The following PCDH15 variants were observed in gnomAD, a reference collection of about 807,000 sequenced individuals.
PCDH15 encodes protocadherin related 15.
In PCDH15, 129 loss-of-function variants were observed where a neutral mutation model predicts 178.5. That is an observed-to-expected ratio of 0.72 (90% confidence interval 0.63 to 0.84). The LOEUF (loss-of-function observed/expected upper bound fraction) is 0.84, where lower values mean the gene tolerates loss of function less well. PCDH15 is among the 40% of genes least tolerant of loss of function. The pLI is 0.00. For synonymous variants in PCDH15, 800 were observed against 732.0 expected, an observed-to-expected ratio of 1.09 and a Z score of -1.50; for missense variants, 2,230 against 2,099.9, an observed-to-expected ratio of 1.06 and a Z score of -1.21.
At chr10:54,530,228 A>G (rs2083771993) in intron 2 of PCDH15, among the ~76,000 whole-genome samples, 1 of 152,066 alleles carries the variant, frequency 6.6e-6, no homozygotes, top group African/African-American at 2.4e-5. Context: ...ATACCAAACC[A>G]AATTTATGTT....
At chr10:54,484,317 T>A (rs1219720230) in intron 3 of PCDH15, among the ~76,000 whole-genome samples, 2 of 151,908 alleles carry the variant, frequency 1.3e-5, no homozygotes, top group African/African-American at 4.8e-5. Flanking sequence ...GACATGGCTT[T>A]TTTTCCCCTT....
At chr10:54,996,838 C>T (rs7897670) in intron 2 of PCDH15, among the ~76,000 whole-genome samples, 108,777 of 151,876 alleles carry the variant, frequency 0.72, 39,174 homozygotes, top group East Asian at 0.87. Context: ...TGGCTGGGCG[C>T]GGTGGCTCAC....
chr10:54,685,597 G>A (rs865831564), intron 1 of PCDH15, among the ~76,000 whole-genome samples: 1 of 152,140 alleles, frequency 6.6e-6, no homozygotes, highest in African/African-American at 2.4e-5. Context: ...TGCAGAGCAT[G>A]ACCATACAAA....
Position 54,945,264 on chromosome 10 carries a change from G to C in PCDH15, c.-79-47764C>G, listed in dbSNP as rs557426675. 1.9e-4 allele frequency among the ~76,000 whole-genome samples: 29 copies of C among 151,788 alleles called. No individual in the cohort carries two copies. The South Asian group carries it at 5.2e-3, about 27-fold the overall frequency. On this transcript the variant is annotated intron_variant, in intron 2 of 5. Transcript: ENST00000458638. The stretch of plus-strand genomic sequence containing the variant: ...AGAACATATAATTATGCCAATGAAA[G>C]GGGCTGTCTTATCATTGTTCTTAGA...
intron 5 of PCDH15, among the ~76,000 whole-genome samples, chr10:54,360,149 A>G (rs1168736304): frequency 1.3e-5 from 2 of 152,182 alleles, no homozygotes; most frequent in South Asian, 2.1e-4. Context: ...CCTCCCAGGT[A>G]GTATCAAGGA....
At chr10:55,268,675 T>A (rs1842362955) in intron 1 of PCDH15, among the ~76,000 whole-genome samples, 1 of 152,044 alleles carries the variant, frequency 6.6e-6, no homozygotes, top group Admixed American at 6.6e-5. Flanking sequence ...CTATAAGAAG[T>A]TTTGATGTGT....
chr10:55,547,913 G>GAGAGAGAGAGAGAGAA, intron 2 of PCDH15, among the ~76,000 whole-genome samples: 1 of 114,556 alleles, frequency 8.7e-6, no homozygotes, highest in East Asian at 4.9e-4. Flanking sequence ...GTGTGTGTGA[G>GAGAGAGAGAGAGAGAA]AGAGAGAGAG....
At chr10:54,621,621 G>T (rs113737094) in intron 2 of PCDH15, among the ~76,000 whole-genome samples, 1,813 of 151,976 alleles carry the variant, frequency 0.012, 33 homozygotes, top group African/African-American at 0.041. Flanking sequence ...AATCTAAAAG[G>T]AACATTATGT....
At chr10:54,020,144 ATG>A (rs1285697631) in intron 20 of PCDH15, 46 bp downstream of exon 20, 1 of 1,517,274 alleles carries the variant, frequency 6.6e-7, no homozygotes, top group South Asian at 1.1e-5. Flanking sequence ...CAAAACCTAC[ATG>A]TAGAGAGAGC....
At chr10:54,357,460 T>C (rs2134388873) in intron 5 of PCDH15, among the ~76,000 whole-genome samples, 1 of 152,178 alleles carries the variant, frequency 6.6e-6, no homozygotes, top group East Asian at 1.9e-4. Context: ...TTACAAGGGA[T>C]GTGAAGGACC....
At chr10:55,369,418 C>A (rs1201807502) in intron 2 of PCDH15, among the ~76,000 whole-genome samples, 1 of 151,884 alleles carries the variant, frequency 6.6e-6, no homozygotes, top group Non-Finnish European at 1.5e-5. Flanking sequence ...GTTGGCAAGA[C>A]TAGATGCTAT....
chr10:55,147,686 A>C, intron 2 of PCDH15, among the ~76,000 whole-genome samples: 1 of 143,310 alleles, frequency 7.0e-6, no homozygotes. Flanking sequence ...TTATACTTTA[A>C]GTTTTAGGGT....
At chr10:53,944,342 C>G (rs2086344185) in intron 23 of PCDH15, among the ~76,000 whole-genome samples, 1 of 152,024 alleles carries the variant, frequency 6.6e-6, no homozygotes, top group Non-Finnish European at 1.5e-5. Flanking sequence ...CTAGTTCTAC[C>G]ATTCTGAACC....
intron 3 of PCDH15, among the ~76,000 whole-genome samples, chr10:54,426,502 C>T (rs1488963120): frequency 6.6e-6 from 1 of 152,172 alleles, no homozygotes; most frequent in Non-Finnish European, 1.5e-5. Context: ...TCCCATCCTG[C>T]TGTGTGGCCC....
chr10:54,038,466 G>A (rs2093468163), intron 18 of PCDH15, among the ~76,000 whole-genome samples: 1 of 151,842 alleles, frequency 6.6e-6, no homozygotes, highest in African/African-American at 2.4e-5. Context: ...TACTGTGCAG[G>A]GTCAACTACA....
At chr10:54,892,599 AAG>A (rs1954481569) in intron 3 of PCDH15, among the ~76,000 whole-genome samples, 2 of 151,960 alleles carry the variant, frequency 1.3e-5, no homozygotes, top group Non-Finnish European at 2.9e-5. Context: ...TAATGAAAAA[AAG>A]AGTGATTATA....
At chr10:54,020,982 T>G (rs1245858576) in intron 19 of PCDH15, among the ~76,000 whole-genome samples, 1 of 152,068 alleles carries the variant, frequency 6.6e-6, no homozygotes, top group Non-Finnish European at 1.5e-5. Context: ...TTCCTTTGAT[T>G]TAACTAGGAT....
chr10:54,793,674 A>G (rs971897689), intron 1 of PCDH15, among the ~76,000 whole-genome samples: 2 of 148,712 alleles, frequency 1.3e-5, no homozygotes. Context: ...ATATACATAT[A>G]TACACACATA....
intron 2 of PCDH15, among the ~76,000 whole-genome samples, chr10:54,605,045 T>G (rs538166713): frequency 5.9e-5 from 9 of 151,998 alleles, no homozygotes; most frequent in African/African-American, 1.9e-4. Context: ...ATTTTTACCT[T>G]GTTCCCATTA....
Sources: allele counts gnomAD v4.1 joint callset (sites outside exome capture counted in the v4.1 genomes callset), GRCh38; gene constraint gnomAD v4.1.1; transcripts MANE v1.5; gene names NCBI Gene and HGNC (gene_info 2026-07-23, HGNC 2026-07-21).